Variants in CCNY observed in about 807,000 individuals in gnomAD.
The protein encoded by CCNY is cyclin Y, also known as cyclin-Y.
A neutral mutation model predicts 42.8 loss-of-function variants in CCNY; 19 were observed. The observed-to-expected ratio is 0.44, with a 90% confidence interval of 0.31 to 0.65. The LOEUF (loss-of-function observed/expected upper bound fraction) is 0.65, where lower values mean the gene tolerates loss of function less well. CCNY is among the 30% of genes least tolerant of loss of function. The pLI, the probability that CCNY is intolerant of heterozygous loss-of-function variation, is 0.07. For missense variants in CCNY, 370 were observed against 437.3 expected (o/e 0.85, Z 1.37); for synonymous variants, 165 against 162.7 (o/e 1.01, Z -0.11).
At chr10:35,296,463 C>A (rs1309042166) in intron 3 of CCNY, among the ~76,000 whole-genome samples, 4 of 152,242 alleles carry the variant, frequency 2.6e-5, no homozygotes, top group African/African-American at 4.8e-5. Flanking sequence ...TACCTGTAAT[C>A]CCAGTTACTT....
chr10:35,312,271 C>T (rs1835694683), intron 3 of CCNY, among the ~76,000 whole-genome samples: 1 of 147,306 alleles, frequency 6.8e-6, no homozygotes, highest in African/African-American at 2.5e-5. Flanking sequence ...GTCCCAGCTA[C>T]TTGGGATGCT....
chr10:35,397,450 A>C (rs1837549971), intron 1 of CCNY, among the ~76,000 whole-genome samples: 1 of 152,098 alleles, frequency 6.6e-6, no homozygotes, highest in Non-Finnish European at 1.5e-5. Context: ...CGCAGACCCT[A>C]CCTTAGAGGT....
At position 35,337,005 on chromosome 10, in the gene CCNY, C is replaced by T; in HGVS notation, c.-49C>T. 7.3e-7 allele frequency: 1 copy of T among 1,368,314 alleles called. No homozygotes were observed. The highest frequency in any genetic ancestry group is 9.6e-7 in the Non-Finnish European group (1 of 1,041,816). The allele number at this position is 1,368,314 out of a possible 1,614,324, so 84.8% of individuals were successfully genotyped here. A position where few individuals can be genotyped will look rare whatever the true frequency, so the allele number is the denominator to read the frequency against. The stretch of plus-strand genomic sequence containing the variant: ...CCCGCGTCCACCCGCGCCCCGCTCC[C>T]GGGGACTGGGAGAACAGGATAGCAG... On this transcript the variant is annotated 5_prime_UTR_variant, in exon 1 of 10. Transcript: ENST00000374704.
intron 5 of CCNY, among the ~76,000 whole-genome samples, chr10:35,526,362 T>G (rs553445652): frequency 6.0e-4 from 91 of 152,350 alleles, no homozygotes; most frequent in African/African-American, 2.1e-3. Context: ...GTTTAATTTA[T>G]AGTTTGAATT....
At chr10:35,540,958 G>A (rs1258370141) in intron 7 of CCNY, among the ~76,000 whole-genome samples, 1 of 151,910 alleles carries the variant, frequency 6.6e-6, no homozygotes, top group Non-Finnish European at 1.5e-5. Flanking sequence ...TTTTTCCAAG[G>A]AATCGACTTT....
chr10:35,266,939 C>CTG (rs71033389), intron 3 of CCNY, among the ~76,000 whole-genome samples: 35,868 of 151,554 alleles, frequency 0.24, 4,360 homozygotes, highest in South Asian at 0.29. Context: ...CAAACATTAG[C>CTG]TGTGTGGTGG....
chr10:35,287,473 G>T (rs2135059771), intron 3 of CCNY, among the ~76,000 whole-genome samples: 1 of 152,264 alleles, frequency 6.6e-6, no homozygotes, highest in African/African-American at 2.4e-5. Context: ...AAAAGTTCAT[G>T]TACTGTTTCA....
chr10:35,326,764 C>T (rs369475513), intron 3 of CCNY, among the ~76,000 whole-genome samples: 3 of 152,090 alleles, frequency 2.0e-5, no homozygotes, highest in African/African-American at 2.4e-5. Context: ...TGGTGCATAC[C>T]GGTAGTCCCA....
At chr10:35,527,827 A>T (rs1341681980) in intron 5 of CCNY, among the ~76,000 whole-genome samples, 1 of 152,192 alleles carries the variant, frequency 6.6e-6, no homozygotes, top group Non-Finnish European at 1.5e-5. Context: ...CTCTCATACT[A>T]GGCTGGCCTT....
chr10:35,545,863 T>C (rs111485431), intron 7 of CCNY, among the ~76,000 whole-genome samples: 6 of 152,138 alleles, frequency 3.9e-5, no homozygotes, highest in African/African-American at 1.4e-4. Flanking sequence ...CAGCATCAGG[T>C]ACAAAAAAGA....
chr10:35,443,865 A>G (rs1242167665), intron 1 of CCNY, among the ~76,000 whole-genome samples: 1 of 152,004 alleles, frequency 6.6e-6, no homozygotes, highest in Non-Finnish European at 1.5e-5. Context: ...GTTCTCCTCT[A>G]TGTATGTCTC....
chr10:35,545,210 G>A (rs753017634), intron 7 of CCNY, among the ~76,000 whole-genome samples: 2 of 152,154 alleles, frequency 1.3e-5, no homozygotes, highest in African/African-American at 2.4e-5. Context: ...AGCTACTCCC[G>A]GACTGTGGAT....
intron 3 of CCNY, among the ~76,000 whole-genome samples, chr10:35,298,203 C>T (rs147429781): frequency 6.6e-6 from 1 of 152,114 alleles, no homozygotes; most frequent in African/African-American, 2.4e-5. Context: ...ATAAGCACAC[C>T]CATTTTAGGT....
chr10:35,275,058 T>TA (rs1835221844), intron 3 of CCNY, among the ~76,000 whole-genome samples: 1 of 125,056 alleles, frequency 8.0e-6, no homozygotes, highest in Non-Finnish European at 1.7e-5. Context: ...CGTCATTCCT[T>TA]TTTTTTTTTT....
In CCNY at chr10:35,489,128, C is replaced by A. The variant is rs1383628327; in HGVS notation, c.229+5650C>A. Among the ~76,000 whole-genome samples the A allele has an allele frequency of 2.0e-5, 3 of 152,234 alleles. No individual in the cohort carries two copies. The East Asian group carries it at 5.8e-4, about 30-fold the overall frequency. On this transcript the variant is annotated intron_variant, in intron 2 of 9. Transcript: ENST00000374704. ...CTGTCTCTACCAAAAATACAAAAAA[C>A]TAACTGGGCGTGGTGGCAGGTGCCT... is the stretch of plus-strand genomic sequence containing the variant.
chr10:35,357,738 CTT>C (rs1463381391), intron 1 of CCNY, among the ~76,000 whole-genome samples: 3 of 152,172 alleles, frequency 2.0e-5, no homozygotes, highest in African/African-American at 7.2e-5. Flanking sequence ...GAGATTTAGA[CTT>C]TGTAAATATT....
At chr10:35,294,577 T>TCA (rs1835449449) in intron 3 of CCNY, among the ~76,000 whole-genome samples, 1 of 152,258 alleles carries the variant, frequency 6.6e-6, no homozygotes, top group Non-Finnish European at 1.5e-5. Flanking sequence ...GATCTTCAGA[T>TCA]GTTAAACCAC....
At chr10:35,429,223 C>T (rs1027758710) in intron 1 of CCNY, among the ~76,000 whole-genome samples, 3 of 152,110 alleles carry the variant, frequency 2.0e-5, no homozygotes, top group African/African-American at 7.2e-5. Context: ...ACAGGGGAAC[C>T]TAGTTGTTTT....
chr10:35,568,617 C>A lies in CCNY; in HGVS notation c.910-437C>A, dbSNP rs141000913. ...TGCAGCTGTCTTTGCCGCCAGCGGC[C>A]GAGCTCTCCTCTCTGTGAGGCTCAG... On this transcript the variant is annotated intron_variant, in intron 9 of 9. Coordinates refer to ENST00000374704, the MANE Select transcript of CCNY (RefSeq NM_145012.6). 3.4e-3 allele frequency among the ~76,000 whole-genome samples: 512 copies of A among 152,328 alleles called. 4 individuals carry two copies. The highest frequency in any genetic ancestry group is 0.012 in the African/African-American group (482 of 41,572).
Sources: gnomAD v4.1 joint callset for allele counts (sites outside exome capture counted in the v4.1 genomes callset) on GRCh38, gnomAD v4.1.1 for gene constraint, MANE v1.5 for transcripts, NCBI Gene and HGNC (gene_info 2026-07-23, HGNC 2026-07-21) for gene names.